The following TMPRSS15 variants were observed in gnomAD, a reference collection of about 807,000 sequenced individuals.
TMPRSS15 encodes transmembrane serine protease 15.
A neutral mutation model predicts 125.3 loss-of-function variants in TMPRSS15; 128 were observed. The observed-to-expected ratio is 1.02, with a 90% CI of 0.89 to 1.18. TMPRSS15 has a LOEUF of 1.18. TMPRSS15 is among the 50% of genes most tolerant of loss of function. The pLI is 0.00. For missense variants in TMPRSS15, 1,283 were observed against 1,212.7 expected (o/e 1.06, Z -0.86); for synonymous variants, 446 against 423.2 (o/e 1.05, Z -0.66).
intron 3 of TMPRSS15, among the ~76,000 whole-genome samples, chr21:18,395,783 G>T (rs184598965): frequency 6.6e-6 from 1 of 152,162 alleles, no homozygotes; most frequent in East Asian, 1.9e-4. Flanking sequence ...ATTTCTATCA[G>T]ACTGTCAGCT....
intron 8 of TMPRSS15, 87 bp from the exon 9 acceptor site, chr21:18,353,950 A>T: frequency 7.9e-7 from 1 of 1,265,168 alleles, no homozygotes; most frequent in East Asian, 2.3e-5. Flanking sequence ...CTGAACTATC[A>T]GTTTGTCAGT....
chr21:18,476,115 C>T (rs920352405), intron 1 of TMPRSS15, among the ~76,000 whole-genome samples: 15 of 152,048 alleles, frequency 9.9e-5, no homozygotes, highest in Non-Finnish European at 2.9e-5. Context: ...ATTCTAACAG[C>T]ATTAAGAAAT....
At chr21:18,324,731 T>C (rs2075272465) in intron 16 of TMPRSS15, among the ~76,000 whole-genome samples, 1 of 152,190 alleles carries the variant, frequency 6.6e-6, no homozygotes, top group African/African-American at 2.4e-5. Flanking sequence ...GTAAGAAAGA[T>C]TTAGCTTTTC....
intron 1 of TMPRSS15, among the ~76,000 whole-genome samples, chr21:18,454,165 T>A (rs1434381399): frequency 6.6e-6 from 1 of 152,196 alleles, no homozygotes; most frequent in Non-Finnish European, 1.5e-5. Context: ...AGGATACTCA[T>A]GCTTGTAATA....
At chr21:18,332,231 A>C (rs758885509) in intron 13 of TMPRSS15, 58 bp from the exon 14 acceptor site, 1 of 1,432,862 alleles carries the variant, frequency 7.0e-7, no homozygotes, top group Non-Finnish European at 9.9e-7. Flanking sequence ...CAGAGAGATA[A>C]TACCATATGC....
intron 1 of TMPRSS15, among the ~76,000 whole-genome samples, chr21:18,426,151 A>AAC (rs1328993582): frequency 1.3e-5 from 2 of 152,256 alleles, no homozygotes; most frequent in Non-Finnish European, 2.9e-5. Context: ...AACTATACAC[A>AAC]ACACACACTC....
intron 1 of TMPRSS15, among the ~76,000 whole-genome samples, chr21:18,471,279 A>G (rs889478085): frequency 6.6e-6 from 1 of 152,116 alleles, no homozygotes; most frequent in Non-Finnish European, 1.5e-5. Flanking sequence ...TTTTCTATCA[A>G]TAGTATGTAT....
At chr21:18,323,076 T>C (rs769159286) in intron 16 of TMPRSS15, among the ~76,000 whole-genome samples, 7 of 152,218 alleles carry the variant, frequency 4.6e-5, no homozygotes, top group Non-Finnish European at 1.0e-4. Flanking sequence ...TTTGTCTCTG[T>C]CTTCCTTTTG....
chr21:18,322,360 G>A (rs143524772), intron 16 of TMPRSS15, among the ~76,000 whole-genome samples: 8 of 152,230 alleles, frequency 5.3e-5, no homozygotes, highest in African/African-American at 1.7e-4. Context: ...TATAATTCAG[G>A]AGCCCCTCTG....
rs2075149563 is a variant in TMPRSS15 at position 18,315,206 on chromosome 21, G to C, written c.1972C>G (p.Leu658Val). 1 of 1,613,956 alleles carries C rather than the reference G, an allele frequency of 6.2e-7. No individual in the cohort carries two copies. The highest frequency in any genetic ancestry group is 8.5e-7 in the Non-Finnish European group (1 of 1,180,012). The stretch of plus-strand genomic sequence containing the variant: ...AGATGACCGTCACAGAGATTCACCA[G>C]TGGAACACACTCTCCATTTTTACAT... ...FQCKNGECVP[L>V]VNLCDGHLHC... Residue 658 changes from leucine to valine, a missense_variant, in exon 17 of 25, where the codon CTG (leucine) becomes GTG (valine). Leu to Val is a conservative substitution (Grantham distance 32). Coordinates refer to ENST00000284885, the MANE Select transcript of TMPRSS15 (RefSeq NM_002772.3).
At chr21:18,312,796 T>G (rs2075115003) in intron 18 of TMPRSS15, 149 bp downstream of exon 18, 1 of 990,292 alleles carries the variant, frequency 1.0e-6, no homozygotes, top group African/African-American at 1.6e-5. Context: ...GAAAATGGGG[T>G]TAATCAAGAT....
In TMPRSS15 at chr21:18,326,510, GCA is replaced by G. The variant is rs759633123; in HGVS notation, c.1841_1842del (p.Val614AlafsTer5). On this transcript the variant is annotated frameshift_variant, in exon 16 of 25. Transcript: ENST00000284885. LOFTEE classifies it high-confidence loss of function. The part of the protein sequence containing the change: ...DVFSTTNRMT[V>X]LLITNDVLAR... ...GCCAACACATCGTTAGTGATGAGAA[GCA>G]CAGTCATTCTGTTGGTGGTAGAGAA... 11 of 1,614,024 alleles carry G rather than the reference GCA, an allele frequency of 6.8e-6. No individual in the cohort carries two copies. The highest frequency in any genetic ancestry group is 9.3e-6 in the Non-Finnish European group (11 of 1,179,980).
At chr21:18,431,496 T>G (rs2076216410) in intron 1 of TMPRSS15, among the ~76,000 whole-genome samples, 1 of 152,110 alleles carries the variant, frequency 6.6e-6, no homozygotes. Context: ...TTTTCAAAGA[T>G]GATATTCAAG....
At chr21:18,280,752 C>A (rs907385056) in intron 22 of TMPRSS15, among the ~76,000 whole-genome samples, 9 of 152,164 alleles carry the variant, frequency 5.9e-5, no homozygotes, top group African/African-American at 2.2e-4. Flanking sequence ...AGAGGGCATG[C>A]ATAATAACAT....
At chr21:18,390,791 AT>A (rs1163536819) in intron 3 of TMPRSS15, among the ~76,000 whole-genome samples, 2 of 152,128 alleles carry the variant, frequency 1.3e-5, no homozygotes, top group African/African-American at 4.8e-5. Flanking sequence ...ATATTAATCC[AT>A]TTTTACACTA....
chr21:18,476,799 C>A (rs1233320335), intron 1 of TMPRSS15, among the ~76,000 whole-genome samples: 1 of 152,032 alleles, frequency 6.6e-6, no homozygotes, highest in Non-Finnish European at 1.5e-5. Context: ...AGTAAAGTAG[C>A]ATAGTACTTG....
chr21:18,291,036 T>C (rs7281295), intron 21 of TMPRSS15, among the ~76,000 whole-genome samples: 68,276 of 152,120 alleles, frequency 0.45, 17,472 homozygotes, highest in African/African-American at 0.7. Flanking sequence ...TGGCGTCTTC[T>C]TTCATAGAGC....
In TMPRSS15 at chr21:18,269,150, T is replaced by C. The variant is rs1213999148; in HGVS notation, c.*819A>G. 2.0e-5 allele frequency: 3 copies of C among 152,190 alleles called. No individual in the cohort carries two copies. Among genetic ancestry groups the C allele is most frequent in the South Asian group, 2.1e-4 (1 of 4,830 alleles). 9.4% of individuals were successfully genotyped at this position (152,190 alleles called of 1,614,324 possible). A position where few individuals can be genotyped will look rare whatever the true frequency, so the allele number is the denominator to read the frequency against. ...TTCATTTATTACACATATTTGACCTTCTCATGGGTGATTCAGCTGTGTCTA... is the reference window on the plus strand; with the variant it reads ...TTCATTTATTACACATATTTGACCTCCTCATGGGTGATTCAGCTGTGTCTA... On this transcript the variant is annotated 3_prime_UTR_variant, in exon 25 of 25. Coordinates refer to ENST00000284885, the MANE Select transcript of TMPRSS15 (RefSeq NM_002772.3).
chr21:18,322,474 G>A (rs182092568), intron 16 of TMPRSS15, among the ~76,000 whole-genome samples: 6 of 152,222 alleles, frequency 3.9e-5, no homozygotes, highest in Admixed American at 2.0e-4. Flanking sequence ...TGCAGTCAAC[G>A]TAAGAGTCCA....
Sources: gnomAD v4.1 joint callset for allele counts (sites outside exome capture counted in the v4.1 genomes callset) on GRCh38, gnomAD v4.1.1 for gene constraint, MANE v1.5 for transcripts, NCBI Gene and HGNC (gene_info 2026-07-23, HGNC 2026-07-21) for gene names.